BRIP1: variants seen among roughly 807,000 people sequenced by gnomAD.
The protein encoded by BRIP1 is BRCA1 interacting DNA helicase 1.
Under a neutral mutation model 119.7 loss-of-function variants are expected in BRIP1, and 88 were observed. That is an observed-to-expected ratio of 0.74 (90% CI 0.62 to 0.88). The LOEUF (loss-of-function observed/expected upper bound fraction) is 0.88, where lower values mean the gene tolerates loss of function less well. Among genes scored for constraint, BRIP1 ranks in the 40% least tolerant of loss-of-function variants. The probability of loss-of-function intolerance (pLI) is 0.00; values close to 1 mark genes in which losing one functional copy is unlikely to be tolerated. For missense variants in BRIP1, 1,259 were observed against 1,455.4 expected (o/e 0.87, Z 2.20); for synonymous variants, 443 against 496.5 (o/e 0.89, Z 1.43).
Position 61,810,080 on chromosome 17 carries a change from A to C in BRIP1, c.628-1323T>G, listed in dbSNP as rs1375506589. Among the ~76,000 whole-genome samples the C allele has an allele frequency of 6.6e-6, 1 of 152,240 alleles. No individual in the cohort carries two copies. The highest frequency in any genetic ancestry group is 1.5e-5 in the Non-Finnish European group (1 of 68,036). On this transcript the variant is annotated intron_variant, in intron 6 of 19. Transcript: ENST00000259008. The surrounding 1 kb of genome is among the most constrained non-coding windows in gnomAD (Gnocchi z 4.7). ...TCACTGATGTGCCAAATAAACAGTC[A>C]GTCAAAGCAGATAAAGTTACAGCCA...
At chr17:61,850,371 G>C (rs1685787083) in intron 4 of BRIP1, among the ~76,000 whole-genome samples, 1 of 151,950 alleles carries the variant, frequency 6.6e-6, no homozygotes, top group Non-Finnish European at 1.5e-5. Context: ...AAAGTGCTGG[G>C]ATTACAGGCG....
intron 3 of BRIP1, among the ~76,000 whole-genome samples, chr17:61,859,489 G>C (rs541500288): frequency 8.1e-4 from 124 of 152,234 alleles, no homozygotes; most frequent in African/African-American, 2.9e-3. Context: ...ACATCACCAT[G>C]CCTGGCTAAT....
rs2078446283 is a variant in BRIP1 at position 61,828,759 on chromosome 17, G to T, written c.627+18342C>A. Among the ~76,000 whole-genome samples the T allele has an allele frequency of 6.6e-6, 1 of 152,130 alleles. No homozygotes were observed. The highest frequency in any genetic ancestry group is 1.5e-5 in the Non-Finnish European group (1 of 68,008). The stretch of plus-strand genomic sequence containing the variant: ...ATTTGTAAATTTGTACATAGCTGAT[G>T]ATTTAAACTAAAAATAACAAAACAC... On this transcript the variant is annotated intron_variant, in intron 6 of 19. Transcript: ENST00000259008. The surrounding 1 kb of genome is among the most constrained non-coding windows in gnomAD (Gnocchi z 4.1).
In BRIP1 at chr17:61,768,759, T is replaced by C. The variant is rs1388554271; in HGVS notation, c.2097+7642A>G. On this transcript the variant is annotated intron_variant, in intron 14 of 19. Transcript: ENST00000259008. This position sits in a 1 kb window ranked among gnomAD's most constrained non-coding sequence, Gnocchi z 5.0. The stretch of plus-strand genomic sequence containing the variant: ...AGATAAAAATAAGACTTTACTTCCA[T>C]GATTAGATTATATTATGTAGTAAAG... Among the ~76,000 whole-genome samples the C allele has an allele frequency of 6.6e-6, 1 of 152,058 alleles. No individual in the cohort carries two copies. Among genetic ancestry groups the C allele is most frequent in the Admixed American group, 6.6e-5 (1 of 15,256 alleles).
In BRIP1 at chr17:61,862,162, C is replaced by A. The variant is rs1482829374; in HGVS notation, c.-30-593G>T. ...GTTATCTTTGACTCAGGTATGTTAT[C>A]TTTGACATATCTTTTTACTTCTCTA... On this transcript the variant is annotated intron_variant, in intron 1 of 19. Coordinates refer to ENST00000259008, the MANE Select transcript of BRIP1 (RefSeq NM_032043.3). This position sits in a 1 kb window ranked among gnomAD's most constrained non-coding sequence, Gnocchi z 5.3. 2 of 153,808 alleles carry A rather than the reference C, an allele frequency of 1.3e-5. No homozygotes were observed. Among genetic ancestry groups the A allele is most frequent in the African/African-American group, 4.8e-5 (2 of 41,438 alleles). 9.5% of individuals were successfully genotyped at this position (153,808 alleles called of 1,614,324 possible).
Position 61,744,295 on chromosome 17 carries a change from A to G in BRIP1, c.2257+137T>C, listed in dbSNP as rs1006494459. 4.2e-6 allele frequency: 4 copies of G among 954,718 alleles called. No individual in the cohort carries two copies. The highest frequency in any genetic ancestry group is 6.2e-6 in the Non-Finnish European group (4 of 642,874). The allele number at this position is 954,718 out of a possible 1,614,324, so 59.1% of individuals were successfully genotyped here. ...TACAATTAAAAGAATTTCTTTACCC[A>G]ATTTATTTTCTTTTCACTCAGGATT... On this transcript the variant is annotated intron_variant, in intron 15 of 19. Coordinates refer to ENST00000259008, the MANE Select transcript of BRIP1 (RefSeq NM_032043.3). This position sits in a 1 kb window ranked among gnomAD's most constrained non-coding sequence, Gnocchi z 5.0.
chr17:61,699,523 A>G lies in BRIP1; in HGVS notation c.2493-6011T>C, dbSNP rs1567743207. ...ACTAGTCAGGAAAATTGCCAACTTA[A>G]TTTCAATAGTACAAAAAAATGGTCC... On this transcript the variant is annotated intron_variant, in intron 17 of 19. Transcript: ENST00000259008. The surrounding 1 kb of genome is among the most constrained non-coding windows in gnomAD (Gnocchi z 4.8). 6.6e-6 allele frequency among the ~76,000 whole-genome samples: 1 copy of G among 152,154 alleles called. No homozygotes were observed.
chr17:61,712,500 C>T (rs1011609558), intron 17 of BRIP1, among the ~76,000 whole-genome samples: 1 of 152,170 alleles, frequency 6.6e-6, no homozygotes, highest in Admixed American at 6.5e-5. Flanking sequence ...AGGCATGAGC[C>T]ACCTCACCTG....
At chr17:61,765,389 A>ATT (rs1248010748) in intron 14 of BRIP1, among the ~76,000 whole-genome samples, 1 of 17,074 alleles carries the variant, frequency 5.9e-5, no homozygotes, top group Non-Finnish European at 1.1e-4. Context: ...TTATATATAT[A>ATT]TATATATATA....
rs2078701170 is a variant in BRIP1, at chr17:61,844,526, G to A, written c.627+2575C>T. On this transcript the variant is annotated intron_variant, in intron 6 of 19. Coordinates refer to ENST00000259008, the MANE Select transcript of BRIP1 (RefSeq NM_032043.3). This position sits in a 1 kb window ranked among gnomAD's most constrained non-coding sequence, Gnocchi z 4.7. ...GATCACTTGAGCCTGGGATTTTGAG[G>A]TTACAGTGGGCTATGATCACACCAC... Among the ~76,000 whole-genome samples, 1 of 152,078 alleles carries A rather than the reference G, an allele frequency of 6.6e-6. No individual in the cohort carries two copies. The highest frequency in any genetic ancestry group is 2.4e-5 in the African/African-American group (1 of 41,408).
Position 61,861,783 on chromosome 17 carries a change from G to C in BRIP1, c.-30-214C>G. 1 of 561,292 alleles carries C rather than the reference G, an allele frequency of 1.8e-6. No homozygotes were observed. The allele number at this position is 561,292 out of a possible 1,614,324, so 34.8% of individuals were successfully genotyped here. ...AATCTAGATTTGTATCCTTCACTCT[G>C]CCAGGTATTAGTTGTGTGACTTCGG... On this transcript the variant is annotated intron_variant, in intron 1 of 19. Transcript: ENST00000259008. The surrounding 1 kb of genome is among the most constrained non-coding windows in gnomAD (Gnocchi z 4.5).
At position 61,809,798 on chromosome 17, in the gene BRIP1, GAACA is replaced by G. The variant is rs901725471; in HGVS notation, c.628-1045_628-1042del. Reference sequence around the variant, plus strand: ...TGTGCTAAAGAGTTTTAATTTAGTAGAACAAACACTCTACTTGACTGTTTTTTTT... The same window carrying G: ...TGTGCTAAAGAGTTTTAATTTAGTAGAACACTCTACTTGACTGTTTTTTTT... On this transcript the variant is annotated intron_variant, in intron 6 of 19. Coordinates refer to ENST00000259008, the MANE Select transcript of BRIP1 (RefSeq NM_032043.3). The surrounding 1 kb of genome is among the most constrained non-coding windows in gnomAD (Gnocchi z 5.2). 4.6e-5 allele frequency among the ~76,000 whole-genome samples: 7 copies of G among 152,034 alleles called. No homozygotes were observed. The highest frequency in any genetic ancestry group is 1.7e-4 in the African/African-American group (7 of 41,416).
In BRIP1 at chr17:61,762,851, G is replaced by T. The variant is rs2077297577; in HGVS notation, c.2097+13550C>A. Among the ~76,000 whole-genome samples the T allele has an allele frequency of 6.6e-6, 1 of 152,136 alleles. No homozygotes were observed. The highest frequency in any genetic ancestry group is 2.4e-5 in the African/African-American group (1 of 41,442). On this transcript the variant is annotated intron_variant, in intron 14 of 19. Transcript: ENST00000259008. This position sits in a 1 kb window ranked among gnomAD's most constrained non-coding sequence, Gnocchi z 4.3. ...AACACTCAAAACAGAATTACCTTAT[G>T]ATCTAGCAATCTCACTTCTGAGTAT...
Position 61,679,796 on chromosome 17 carries a change from C to A in BRIP1, c.*3500G>T, listed in dbSNP as rs567354038. On this transcript the variant is annotated 3_prime_UTR_variant, in exon 20 of 20. Coordinates refer to ENST00000259008, the MANE Select transcript of BRIP1 (RefSeq NM_032043.3). This position sits in a 1 kb window ranked among gnomAD's most constrained non-coding sequence, Gnocchi z 4.4. ...AACTTATTTAAATCTGTAAACATTTCTTTTAAAAGTATGTTATCAGTAATG... is the reference window on the plus strand; with the variant it reads ...AACTTATTTAAATCTGTAAACATTTATTTTAAAAGTATGTTATCAGTAATG... 5.8e-4 allele frequency among the ~76,000 whole-genome samples: 88 copies of A among 152,242 alleles called. 1 individual carries two copies. Among genetic ancestry groups the A allele is most frequent in the African/African-American group, 2.1e-3 (86 of 41,550 alleles).
chr17:61,715,173 C>T (rs2061841268), intron 17 of BRIP1, among the ~76,000 whole-genome samples: 1 of 151,020 alleles, frequency 6.6e-6, no homozygotes, highest in Non-Finnish European at 1.5e-5. Context: ...GCACTCCAGC[C>T]TGGGCAACAC....
At position 61,744,602 on chromosome 17, in the gene BRIP1, G is replaced by GA. The variant is rs1567781719; in HGVS notation, c.2098-12dup. On this transcript the variant is annotated splice_polypyrimidine_tract_variant and intron_variant, in intron 14 of 19. Transcript: ENST00000259008. This position sits in a 1 kb window ranked among gnomAD's most constrained non-coding sequence, Gnocchi z 5.0. ...TAATTTTTCTAATAACTAAAGAGGG[G>GA]AAAGAAAAAAATGATTTTTTGTGTG... The GA allele has an allele frequency of 1.2e-6, 2 of 1,610,696 alleles. No individual in the cohort carries two copies. The highest frequency in any genetic ancestry group is 1.7e-6 in the Non-Finnish European group (2 of 1,177,280).
At position 61,682,213 on chromosome 17, in the gene BRIP1, A is replaced by G; in HGVS notation, c.*1083T>C. ...AGTTTTCTATCTTAATCATTGTATA[A>G]CTAAAGCTTATGCTAGAACAATACC... On this transcript the variant is annotated 3_prime_UTR_variant, in exon 20 of 20. Coordinates refer to ENST00000259008, the MANE Select transcript of BRIP1 (RefSeq NM_032043.3). This position sits in a 1 kb window ranked among gnomAD's most constrained non-coding sequence, Gnocchi z 4.9. 1 of 197,960 alleles carries G rather than the reference A, an allele frequency of 5.1e-6. No homozygotes were observed. The highest frequency in any genetic ancestry group is 1.0e-5 in the Non-Finnish European group (1 of 95,782). 12.3% of individuals were successfully genotyped at this position (197,960 alleles called of 1,614,324 possible). A position where few individuals can be genotyped will look rare whatever the true frequency, so the allele number is the denominator to read the frequency against.
rs1454769693 is a variant in BRIP1, at chr17:61,734,903, T to C, written c.2379+8110A>G. On this transcript the variant is annotated intron_variant, in intron 16 of 19. Coordinates refer to ENST00000259008, the MANE Select transcript of BRIP1 (RefSeq NM_032043.3). This position sits in a 1 kb window ranked among gnomAD's most constrained non-coding sequence, Gnocchi z 5.2. ...TTCTGACTCAATGATCTTAACCTTT[T>C]TAAATATGAAGTCAAATGAAATAGA... 6.6e-6 allele frequency among the ~76,000 whole-genome samples: 1 copy of C among 152,222 alleles called. No homozygotes were observed. Among genetic ancestry groups the C allele is most frequent in the Non-Finnish European group, 1.5e-5 (1 of 68,034 alleles).
At position 61,844,963 on chromosome 17, in the gene BRIP1, C is replaced by T. The variant is rs192109847; in HGVS notation, c.627+2138G>A. On this transcript the variant is annotated intron_variant, in intron 6 of 19. Transcript: ENST00000259008. This position sits in a 1 kb window ranked among gnomAD's most constrained non-coding sequence, Gnocchi z 4.7. ...CAACAAATAAATATTTATTAGACAA[C>T]TAATATGCACCATATGCTATTCTAG... Among the ~76,000 whole-genome samples the T allele has an allele frequency of 2.7e-3, 410 of 152,274 alleles. 3 individuals carry two copies. Among genetic ancestry groups the T allele is most frequent in the Non-Finnish European group, 4.0e-3 (272 of 68,020 alleles).
Sources: allele counts gnomAD v4.1 joint callset (sites outside exome capture counted in the v4.1 genomes callset), GRCh38; gene constraint gnomAD v4.1.1; non-coding constraint Gnocchi (gnomAD v3.1); transcripts MANE v1.5; gene names NCBI Gene and HGNC (gene_info 2026-07-23, HGNC 2026-07-21).